The following KCNQ5 variants were observed in gnomAD, a reference collection of about 807,000 sequenced individuals.
The protein encoded by KCNQ5 is potassium voltage-gated channel subfamily KQT member 5.
KCNQ5 carries 30 observed loss-of-function variants against 98.2 expected under a neutral mutation model. That is an observed-to-expected ratio of 0.31 (90% CI 0.23 to 0.41). KCNQ5 has a LOEUF of 0.41. KCNQ5 is among the 10% of genes least tolerant of loss of function. KCNQ5 has a pLI of 1.00. For missense variants in KCNQ5, 835 were observed against 1,182.5 expected, an observed-to-expected ratio of 0.71 and a Z score of 4.31; for synonymous variants, 458 against 449.4, an observed-to-expected ratio of 1.02 and a Z score of -0.24.
At chr6:73,110,443 T>G (rs1459470379) in intron 6 of KCNQ5, among the ~76,000 whole-genome samples, 1 of 152,046 alleles carries the variant, frequency 6.6e-6, no homozygotes, top group Non-Finnish European at 1.5e-5. Context: ...GAACCAGAAT[T>G]TTGGCAGATC....
At chr6:72,875,841 ATTATT>A (rs1156541967) in intron 1 of KCNQ5, among the ~76,000 whole-genome samples, 2 of 152,062 alleles carry the variant, frequency 1.3e-5, no homozygotes, top group Non-Finnish European at 2.9e-5. Flanking sequence ...TTTTGTTATG[ATTATT>A]TTAGTGTTTT....
At chr6:72,705,089 T>C (rs760227185) in intron 1 of KCNQ5, among the ~76,000 whole-genome samples, 3 of 152,212 alleles carry the variant, frequency 2.0e-5, no homozygotes, top group Non-Finnish European at 4.4e-5. Flanking sequence ...TTTTTCCATC[T>C]GATATGCTTT....
intron 1 of KCNQ5, among the ~76,000 whole-genome samples, chr6:72,720,443 T>C (rs934565424): frequency 6.6e-6 from 1 of 152,200 alleles, no homozygotes; most frequent in Non-Finnish European, 1.5e-5. Flanking sequence ...CTCACTTATA[T>C]CATGTTATTT....
intron 1 of KCNQ5, among the ~76,000 whole-genome samples, chr6:72,841,511 T>G (rs1206102354): frequency 6.6e-6 from 1 of 152,182 alleles, no homozygotes; most frequent in Admixed American, 6.5e-5. Context: ...AAAAAAATGC[T>G]TAGGATATTG....
intron 1 of KCNQ5, among the ~76,000 whole-genome samples, chr6:72,988,649 CTTTTTT>C (rs71540364): frequency 3.1e-4 from 40 of 127,846 alleles, no homozygotes; most frequent in Admixed American, 6.5e-4. Flanking sequence ...GCATGATTTT[CTTTTTT>C]TTTTTTTTTT....
intron 1 of KCNQ5, among the ~76,000 whole-genome samples, chr6:72,781,162 G>T (rs986834367): frequency 3.3e-5 from 5 of 152,260 alleles, no homozygotes; most frequent in Non-Finnish European, 7.4e-5. Flanking sequence ...TGGTATCCTT[G>T]TGAGAAGAGG....
chr6:72,684,877 CGT>C (rs1387385180), intron 1 of KCNQ5, among the ~76,000 whole-genome samples: 1 of 151,728 alleles, frequency 6.6e-6, no homozygotes, highest in Non-Finnish European at 1.5e-5. Flanking sequence ...TGTGTGTATG[CGT>C]GTGTGTCTGT....
chr6:72,896,829 C>A (rs1332216888), intron 1 of KCNQ5, among the ~76,000 whole-genome samples: 1 of 152,148 alleles, frequency 6.6e-6, no homozygotes, highest in Non-Finnish European at 1.5e-5. Flanking sequence ...GTCACAGAGC[C>A]ATCTCTCAAA....
chr6:73,149,792 GAA>G (rs57061336), intron 10 of KCNQ5, among the ~76,000 whole-genome samples: 73 of 98,286 alleles, frequency 7.4e-4, no homozygotes, highest in African/African-American at 2.8e-3. Context: ...GGGAGACTCC[GAA>G]AAAAAAAAAA....
intron 1 of KCNQ5, among the ~76,000 whole-genome samples, chr6:72,869,061 C>A (rs1778101996): frequency 6.6e-6 from 1 of 152,126 alleles, no homozygotes; most frequent in Non-Finnish European, 1.5e-5. Context: ...TTGATTATTA[C>A]ACATTGTATG....
chr6:72,884,518 AT>A (rs1778777855), intron 1 of KCNQ5, among the ~76,000 whole-genome samples: 1 of 152,168 alleles, frequency 6.6e-6, no homozygotes, highest in Non-Finnish European at 1.5e-5. Context: ...TCAGAGATAC[AT>A]CCTCACTTTC....
At position 72,742,251 on chromosome 6, in the gene KCNQ5, T is replaced by C. The variant is rs566895771; in HGVS notation, c.398+119664T>C. Among the ~76,000 whole-genome samples, 32 of 152,334 alleles carry C rather than the reference T, an allele frequency of 2.1e-4. No homozygotes were observed. The South Asian group carries it at 4.3e-3, about 21-fold the overall frequency. On this transcript the variant is annotated intron_variant, in intron 1 of 13. Coordinates refer to ENST00000370398, the MANE Select transcript of KCNQ5 (RefSeq NM_019842.4). ...ATTGTAAATAGGTCATTTGAATTTTTAATGCCATGCAATTCAAGGATCGCC... is the reference window on the plus strand; with the variant it reads ...ATTGTAAATAGGTCATTTGAATTTTCAATGCCATGCAATTCAAGGATCGCC...
At chr6:72,827,479 G>A (rs1161128021) in intron 1 of KCNQ5, among the ~76,000 whole-genome samples, 2 of 152,114 alleles carry the variant, frequency 1.3e-5, no homozygotes, top group African/African-American at 2.4e-5. Context: ...CTGATGATTA[G>A]TGATGTCAAG....
At chr6:72,747,976 T>C (rs1021012650) in intron 1 of KCNQ5, among the ~76,000 whole-genome samples, 2 of 152,134 alleles carry the variant, frequency 1.3e-5, no homozygotes, top group Non-Finnish European at 2.9e-5. Context: ...ATCATTTCCT[T>C]AGAAAAATCC....
At chr6:72,807,437 A>G (rs1247739211) in intron 1 of KCNQ5, among the ~76,000 whole-genome samples, 1 of 152,224 alleles carries the variant, frequency 6.6e-6, no homozygotes, top group African/African-American at 2.4e-5. Context: ...ATCTAAAATC[A>G]ACAGCATCTT....
chr6:72,875,607 G>A (rs941375958), intron 1 of KCNQ5, among the ~76,000 whole-genome samples: 10 of 152,206 alleles, frequency 6.6e-5, no homozygotes, highest in African/African-American at 2.4e-4. Context: ...AAATGAAAAT[G>A]TTTTGTTATG....
At chr6:73,137,694 C>A (rs963943404) in intron 10 of KCNQ5, among the ~76,000 whole-genome samples, 17 of 151,844 alleles carry the variant, frequency 1.1e-4, no homozygotes, top group Non-Finnish European at 2.4e-4. Flanking sequence ...AGGTATTATC[C>A]CCATTTTATG....
rs1344321997 is a variant in KCNQ5 at position 73,164,273 on chromosome 6, T to C, written c.1469-5473T>C. ...AGAAAGACAGCATCTTGCTCATTTT[T>C]GTAGCTTTGAAGCAAGAAAAAAAAA... On this transcript the variant is annotated intron_variant, in intron 10 of 13. Coordinates refer to ENST00000370398, the MANE Select transcript of KCNQ5 (RefSeq NM_019842.4). Among the ~76,000 whole-genome samples the C allele has an allele frequency of 2.0e-5, 3 of 152,186 alleles. 1 individual carries two copies. In the South Asian group the frequency reaches 6.2e-4, roughly 32 times the overall value.
intron 1 of KCNQ5, among the ~76,000 whole-genome samples, chr6:72,819,253 T>A (rs1187384588): frequency 4.6e-5 from 7 of 152,196 alleles, no homozygotes; most frequent in Admixed American, 4.6e-4. Flanking sequence ...AAGCACATCA[T>A]GGAGAATGGG....
Sources: allele counts gnomAD v4.1 joint callset (sites outside exome capture counted in the v4.1 genomes callset), GRCh38; gene constraint gnomAD v4.1.1; transcripts MANE v1.5; gene names NCBI Gene and HGNC (gene_info 2026-07-23, HGNC 2026-07-21).